TRIP12: variants seen among roughly 807,000 people sequenced by gnomAD.
TRIP12 encodes the protein thyroid hormone receptor interactor 12.
Under a neutral mutation model 244.2 loss-of-function variants are expected in TRIP12, and 25 were observed. That is an observed-to-expected ratio of 0.10 (90% CI 0.07 to 0.14). The LOEUF is 0.14. TRIP12 is among the 10% of genes least tolerant of loss of function. The pLI, the probability that TRIP12 is intolerant of heterozygous loss-of-function variation, is 1.00. For synonymous variants in TRIP12, 905 were observed against 873.1 expected, an observed-to-expected ratio of 1.04 and a Z score of -0.64; for missense variants, 1,677 against 2,486.4, an observed-to-expected ratio of 0.67 and a Z score of 6.92.
chr2:229,851,952 A>C (rs1468617301), intron 4 of TRIP12, among the ~76,000 whole-genome samples: 1 of 152,234 alleles, frequency 6.6e-6, no homozygotes, highest in African/African-American at 2.4e-5. Context: ...AAAACCATGT[A>C]TCTAACTTAA....
intron 7 of TRIP12, among the ~76,000 whole-genome samples, chr2:229,829,921 C>T (rs1250363854): frequency 6.6e-6 from 1 of 152,168 alleles, no homozygotes; most frequent in African/African-American, 2.4e-5. Context: ...TGCACTCCAG[C>T]CTGGGCAACA....
At chr2:229,820,148 A>G (rs1172818080) in intron 8 of TRIP12, among the ~76,000 whole-genome samples, 1 of 152,214 alleles carries the variant, frequency 6.6e-6, no homozygotes, top group East Asian at 1.9e-4. Context: ...TGATTCTAAC[A>G]TGACTTTAAA....
At chr2:229,826,550 G>T (rs931283788) in intron 8 of TRIP12, among the ~76,000 whole-genome samples, 8 of 152,074 alleles carry the variant, frequency 5.3e-5, no homozygotes, top group African/African-American at 7.2e-5. Flanking sequence ...TTAAAATTAG[G>T]TGTCACTTAA....
intron 2 of TRIP12, among the ~76,000 whole-genome samples, chr2:229,862,967 T>C (rs980533351): frequency 3.3e-5 from 5 of 152,156 alleles, no homozygotes; most frequent in Non-Finnish European, 5.9e-5. Context: ...CGGTGGCTCA[T>C]GCCTGTAATC....
chr2:229,811,051 C>T lies in TRIP12; in HGVS notation c.2056-6G>A, dbSNP rs760289564. ...GCAACCTGCTGGAGTAAATTCTTCA[C>T]AAACACAAGAATAAAGGAATTATTA... is the stretch of plus-strand genomic sequence containing the variant. On this transcript the variant is annotated splice_polypyrimidine_tract_variant and splice_region_variant and intron_variant, in intron 14 of 41. Transcript: ENST00000675903. 1.2e-6 allele frequency: 2 copies of T among 1,613,762 alleles called. No individual in the cohort carries two copies. The highest frequency in any genetic ancestry group is 2.7e-5 in the African/African-American group (2 of 74,990).
chr2:229,922,175 G>T (rs920728045), upstream of TRIP12: 128 of 205,870 alleles, frequency 6.2e-4, no homozygotes, highest in African/African-American at 2.9e-3. Context: ...CACGCCTCCC[G>T]GCTCGACTCT....
intron 1 of TRIP12, among the ~76,000 whole-genome samples, chr2:229,919,871 T>C (rs1401520044): frequency 2.0e-5 from 3 of 152,322 alleles, no homozygotes; most frequent in Admixed American, 6.5e-5. Flanking sequence ...CTCACAAAGA[T>C]AGTCACAGCA....
At chr2:229,810,846 C>A in intron 15 of TRIP12, 34 bp downstream of exon 15, 1 of 1,601,864 alleles carries the variant, frequency 6.2e-7, no homozygotes, top group Non-Finnish European at 8.5e-7. Context: ...ACCAACTTTT[C>A]CTGCTTAAAG....
chr2:229,808,802 C>G lies in TRIP12; in HGVS notation c.2222-433G>C, dbSNP rs113980223. Among the ~76,000 whole-genome samples, 313 of 152,306 alleles carry G rather than the reference C, an allele frequency of 2.1e-3. 3 individuals are homozygous for G. The highest frequency in any genetic ancestry group is 7.4e-3 in the African/African-American group (306 of 41,566). On this transcript the variant is annotated intron_variant, in intron 15 of 41. Coordinates refer to ENST00000675903, the MANE Select transcript of TRIP12 (RefSeq NM_001348323.3). ...CGTTAACAATTAAATGTAACTGAAT[C>G]TTATTGTATTGTGATCAGGAAAATC...
chr2:229,861,222 T>C (rs1274860526), intron 2 of TRIP12, among the ~76,000 whole-genome samples: 1 of 152,190 alleles, frequency 6.6e-6, no homozygotes, highest in South Asian at 2.1e-4. Flanking sequence ...ATGATTGATA[T>C]GGTGCATCAT....
In TRIP12 at chr2:229,778,576, C is replaced by T. The variant is rs1192980526; in HGVS notation, c.5221G>A (p.Gly1741Arg). 2.5e-6 allele frequency: 4 copies of T among 1,610,390 alleles called. No individual in the cohort carries two copies. The highest frequency in any genetic ancestry group is 3.4e-6 in the Non-Finnish European group (4 of 1,178,782). ...TLSNPKGSQEGTKYIQNLQGL... is the reference protein window; with the variant it reads ...TLSNPKGSQERTKYIQNLQGL... ...TGGAGGTTTTGAATATACTTGGTCC[C>T]TTCTTGGCTCCCTGAAAAACAAGCA... The change falls in exon 36 of 42, where the codon GGG becomes AGG. Residue 1741 changes from glycine (G) to arginine (R), a missense_variant. This residue lies in a region of TRIP12 where 18 missense variants were observed against 16.8 expected (regional missense o/e 1.07). Coordinates refer to ENST00000675903, the MANE Select transcript of TRIP12 (RefSeq NM_001348323.3). The surrounding 1 kb of genome is among the most constrained non-coding windows in gnomAD (Gnocchi z 4.1).
At chr2:229,829,432 A>G in intron 7 of TRIP12, 144 bp from the exon 8 acceptor site, 1 of 608,902 alleles carries the variant, frequency 1.6e-6, no homozygotes, top group Non-Finnish European at 2.8e-6. Context: ...AGAAGCTACA[A>G]ACTTTCAAGA....
intron 2 of TRIP12, among the ~76,000 whole-genome samples, chr2:229,864,047 A>AGAGAGTGAGTGT: frequency 1.0e-3 from 79 of 79,298 alleles, no homozygotes; most frequent in Non-Finnish European, 1.3e-3. Context: ...AGAGAGAGAG[A>AGAGAGTGAGTGT]GTGTGTGTGT....
chr2:229,865,743 G>C (rs933751041), intron 2 of TRIP12, among the ~76,000 whole-genome samples: 1 of 152,042 alleles, frequency 6.6e-6, no homozygotes, highest in Admixed American at 6.5e-5. Context: ...TGTTTTAAAA[G>C]AGCCATTGAT....
At chr2:229,774,037 A>T in intron 38 of TRIP12, 60 bp downstream of exon 38, 2 of 1,556,676 alleles carry the variant, frequency 1.3e-6, no homozygotes, top group Non-Finnish European at 1.7e-6. Flanking sequence ...AGCAAGGTAC[A>T]ATCAGGCAAA....
chr2:229,864,066 G>A (rs888328299), intron 2 of TRIP12, among the ~76,000 whole-genome samples: 5 of 151,260 alleles, frequency 3.3e-5, no homozygotes, highest in Admixed American at 2.0e-4. Flanking sequence ...GTGTGTGTGT[G>A]TGTGTGTGTG....
chr2:229,792,365 G>C (rs1003431820), intron 27 of TRIP12, 139 bp from the exon 28 acceptor site: 2 of 851,642 alleles, frequency 2.3e-6, no homozygotes, highest in Non-Finnish European at 3.7e-6. Context: ...CTTGAGCCCA[G>C]AAGTGTTTTA....
chr2:229,890,072 G>A (rs1314491060), intron 1 of TRIP12, among the ~76,000 whole-genome samples: 3 of 136,844 alleles, frequency 2.2e-5, no homozygotes, highest in South Asian at 5.0e-4. Context: ...ACATCACAGA[G>A]GTTAACTCTT....
intron 30 of TRIP12, 89 bp from the exon 31 acceptor site, chr2:229,789,851 A>G: frequency 7.0e-7 from 1 of 1,424,038 alleles, no homozygotes; most frequent in East Asian, 2.3e-5. Context: ...TAAAAGAGTA[A>G]CAGAAGTTGT....
Sources: gnomAD v4.1 joint callset for allele counts (sites outside exome capture counted in the v4.1 genomes callset) on GRCh38, gnomAD v4.1.1 for gene constraint, gnomAD v4.1.1 regional missense constraint, Gnocchi (gnomAD v3.1) non-coding constraint, MANE v1.5 for transcripts, NCBI Gene and HGNC (gene_info 2026-07-23, HGNC 2026-07-21) for gene names.